Variants in FYB1 observed in about 807,000 individuals in gnomAD.
FYB1 encodes FYN-binding protein 1.
In FYB1, 41 loss-of-function variants were observed where a neutral mutation model predicts 94.1. That is an observed-to-expected ratio of 0.44 (90% CI 0.34 to 0.57). The LOEUF is 0.57. FYB1 is among the 20% of genes least tolerant of loss of function. The pLI is 0.02. For missense variants in FYB1, 1,050 were observed against 976.8 expected (o/e 1.07, Z -1.00); for synonymous variants, 367 against 353.2 (o/e 1.04, Z -0.44).
At chr5:39,148,155 T>TATATATATA (rs1332920550) in intron 3 of FYB1, among the ~76,000 whole-genome samples, 34 of 37,610 alleles carry the variant, frequency 9.0e-4, no homozygotes, top group African/African-American at 1.7e-3. Context: ...TATGTATTTT[T>TATATATATA]TATATATATA....
At chr5:39,200,688 T>C (rs1748229890) in intron 2 of FYB1, among the ~76,000 whole-genome samples, 1 of 152,200 alleles carries the variant, frequency 6.6e-6, no homozygotes, top group Admixed American at 6.5e-5. Flanking sequence ...ACTTGATCAC[T>C]AAGCTGTTTA....
At chr5:39,155,494 G>A (rs112482980) in intron 2 of FYB1, among the ~76,000 whole-genome samples, 1 of 152,048 alleles carries the variant, frequency 6.6e-6, no homozygotes, top group Non-Finnish European at 1.5e-5. Context: ...TGTTGAATCC[G>A]GTTCGTTTTT....
intron 1 of FYB1, among the ~76,000 whole-genome samples, chr5:39,252,909 T>C (rs7720405): frequency 0.32 from 48,920 of 152,100 alleles, 9,545 homozygotes; most frequent in African/African-American, 0.56. Flanking sequence ...ATTTTAAAAA[T>C]ACTTACAACT....
At chr5:39,207,739 G>A (rs895583285) in intron 1 of FYB1, among the ~76,000 whole-genome samples, 14 of 148,974 alleles carry the variant, frequency 9.4e-5, no homozygotes, top group South Asian at 2.2e-4. Flanking sequence ...ATATTTCTTG[G>A]ATATTATGCT....
rs1430807032 is a variant in FYB1, at chr5:39,142,515, C to A, written c.1293-1374G>T. Among the ~76,000 whole-genome samples the A allele has an allele frequency of 4.6e-5, 7 of 152,108 alleles. No homozygotes were observed. In the East Asian group the frequency reaches 1.2e-3, roughly 25 times the overall value. ...ATTACCCCCTTTCTTCCATGTGTTG[C>A]TTTATTACTTATATTCTCCTTACTT... On this transcript the variant is annotated intron_variant, in intron 3 of 18. Transcript: ENST00000512982.
intron 2 of FYB1, among the ~76,000 whole-genome samples, chr5:39,161,386 A>T (rs1057018672): frequency 1.1e-4 from 16 of 152,214 alleles, no homozygotes; most frequent in Admixed American, 1.0e-3. Context: ...CTGAAAAGAA[A>T]AACCCCTGTT....
intron 3 of FYB1, among the ~76,000 whole-genome samples, chr5:39,145,265 T>A (rs1330000400): frequency 6.6e-6 from 1 of 152,216 alleles, no homozygotes; most frequent in Non-Finnish European, 1.5e-5. Flanking sequence ...AATAGATTTA[T>A]GAGAGTCATT....
At chr5:39,183,813 G>A (rs1021841979) in intron 2 of FYB1, among the ~76,000 whole-genome samples, 8 of 152,150 alleles carry the variant, frequency 5.3e-5, no homozygotes, top group African/African-American at 1.9e-4. Context: ...ATGGAGATAC[G>A]TAGGCCTCAA....
intron 2 of FYB1, among the ~76,000 whole-genome samples, chr5:39,196,980 A>G (rs1410248944): frequency 6.6e-6 from 1 of 152,250 alleles, no homozygotes. Context: ...TATTTTTAAC[A>G]GTTAATACAT....
At position 39,134,331 on chromosome 5, in the gene FYB1, G is replaced by A; in HGVS notation, c.1694C>T (p.Thr565Ile). Residue 565 changes from threonine (T) to isoleucine (I), a missense_variant, in exon 9 of 19, where the codon ACT becomes ATT. Transcript: ENST00000512982. ...AGAATCATAGTCAATCTCTACAGCA[G>A]TTGTTTTAATATAGCCATCTACCAA... is the stretch of plus-strand genomic sequence containing the variant. ...ARGSYGYIKT[T>I]AVEIDYDSLK... 1 of 1,608,386 alleles carries A rather than the reference G, an allele frequency of 6.2e-7. No homozygotes were observed. Among genetic ancestry groups the A allele is most frequent in the Non-Finnish European group, 8.5e-7 (1 of 1,175,846 alleles).
chr5:39,156,446 AG>A (rs1160557886), intron 2 of FYB1, among the ~76,000 whole-genome samples: 1 of 152,236 alleles, frequency 6.6e-6, no homozygotes, highest in Non-Finnish European at 1.5e-5. Flanking sequence ...AGAGGGAAGC[AG>A]GGCAAGAGAT....
intron 12 of FYB1, among the ~76,000 whole-genome samples, chr5:39,125,002 T>C (rs1324603521): frequency 6.9e-6 from 1 of 145,506 alleles, no homozygotes; most frequent in African/African-American, 2.6e-5. Context: ...AGAACAGAAA[T>C]GACTGGTTAG....
chr5:39,231,176 AAAAAC>A (rs1750729634), intron 1 of FYB1, among the ~76,000 whole-genome samples: 2 of 125,208 alleles, frequency 1.6e-5, no homozygotes, highest in African/African-American at 9.7e-5. Flanking sequence ...AAAAAACAAA[AAAAAC>A]AAAACAGCTG....
chr5:39,201,104 G>T lies in FYB1; in HGVS notation c.1135+722C>A, dbSNP rs151311922. Among the ~76,000 whole-genome samples, 1,344 of 152,278 alleles carry T rather than the reference G, an allele frequency of 8.8e-3. 19 individuals are homozygous for T. The highest frequency in any genetic ancestry group is 0.031 in the African/African-American group (1,277 of 41,558). Reference sequence around the variant, plus strand: ...AAAAGTTCAGAAAACTTTATACTGAGAAATGGAAAATAGCTAAAATGTGAA... The same window carrying T: ...AAAAGTTCAGAAAACTTTATACTGATAAATGGAAAATAGCTAAAATGTGAA... On this transcript the variant is annotated intron_variant, in intron 2 of 18. Transcript: ENST00000512982.
chr5:39,127,935 T>A, intron 10 of FYB1, 128 bp from the exon 11 acceptor site: 1 of 830,546 alleles, frequency 1.2e-6, no homozygotes, highest in Non-Finnish European at 1.7e-6. Context: ...GTAAACCATT[T>A]AAATAAAAAC....
chr5:39,151,995 C>T (rs1279429436), intron 3 of FYB1, among the ~76,000 whole-genome samples: 2 of 152,178 alleles, frequency 1.3e-5, no homozygotes, highest in African/African-American at 4.8e-5. Flanking sequence ...GCTTCCCCTT[C>T]TTGGGGAAAA....
chr5:39,121,704 C>A (rs1323495510), intron 14 of FYB1, among the ~76,000 whole-genome samples: 1 of 151,936 alleles, frequency 6.6e-6, no homozygotes, highest in East Asian at 1.9e-4. Context: ...AAAAAAAATT[C>A]CAAAAGGCAC....
chr5:39,133,332 C>A (rs896715960), intron 9 of FYB1, among the ~76,000 whole-genome samples: 3 of 152,198 alleles, frequency 2.0e-5, no homozygotes, highest in South Asian at 2.1e-4. Flanking sequence ...CATCAAAAAA[C>A]TAAAGTTCTG....
chr5:39,122,526 C>A, intron 13 of FYB1, 124 bp from the exon 14 acceptor site: 4 of 547,540 alleles, frequency 7.3e-6, no homozygotes, highest in African/African-American at 2.0e-5. Flanking sequence ...CCTAGTGTCT[C>A]GGTAAATTTC....
Sources: allele counts gnomAD v4.1 joint callset (sites outside exome capture counted in the v4.1 genomes callset), GRCh38; gene constraint gnomAD v4.1.1; transcripts MANE v1.5; gene names NCBI Gene and HGNC (gene_info 2026-07-23, HGNC 2026-07-21).